PAFAH1B3: variants seen among roughly 807,000 people sequenced by gnomAD.
PAFAH1B3 encodes platelet activating factor acetylhydrolase 1b catalytic subunit 3.
Under a neutral mutation model 24.4 loss-of-function variants are expected in PAFAH1B3, and 15 were observed. The ratio of observed to expected loss-of-function variants is 0.62; its 90% CI spans 0.41 to 0.95. The LOEUF is 0.95. PAFAH1B3 is among the 40% of genes least tolerant of loss of function. The pLI, the probability that PAFAH1B3 is intolerant of heterozygous loss-of-function variation, is 0.00. For synonymous variants in PAFAH1B3, 144 were observed against 126.5 expected, an observed-to-expected ratio of 1.14 and a Z score of -0.93; for missense variants, 266 against 312.2, an observed-to-expected ratio of 0.85 and a Z score of 1.12.
In PAFAH1B3 at chr19:42,297,114, C is replaced by T; in HGVS notation, c.660G>A (p.Gln220=). The T allele has an allele frequency of 6.2e-7, 1 of 1,610,532 alleles. No individual in the cohort carries two copies. Among genetic ancestry groups the T allele is most frequent in the East Asian group, 2.2e-5 (1 of 44,718 alleles). Residue 220 remains glutamine, a synonymous_variant, in exon 5 of 5, where the codon CAG becomes CAA. Transcript: ENST00000262890. ...GCTCCAGCAGGGGAGCACCTTGGCC[C>T]TGGTCTTGGGCCAGCAGACGCAGAA... The part of the protein sequence containing the change: ...SLLLRLLAQD[Q]GQGAPLLEPA...
At chr19:42,301,399 A>AAACC (rs376967727) in intron 2 of PAFAH1B3, among the ~76,000 whole-genome samples, 66 of 152,198 alleles carry the variant, frequency 4.3e-4, no homozygotes, top group Admixed American at 1.2e-3. Flanking sequence ...CCTGTCTCAA[A>AAACC]AACCAACCAA....
chr19:42,299,910 A>C, intron 4 of PAFAH1B3, 60 bp downstream of exon 4: 1 of 1,605,466 alleles, frequency 6.2e-7, no homozygotes, highest in Non-Finnish European at 8.5e-7. Flanking sequence ...AACTGTGGCT[A>C]TATCTGAGGG....
intron 2 of PAFAH1B3, among the ~76,000 whole-genome samples, chr19:42,300,767 C>T (rs2038609852): frequency 6.6e-6 from 1 of 152,110 alleles, no homozygotes; most frequent in Non-Finnish European, 1.5e-5. Flanking sequence ...GATCCACCTG[C>T]CTCGGCCTCC....
rs1251679954 is a variant in PAFAH1B3 at position 42,302,402 on chromosome 19, C to A, written c.-93G>T. The A allele has an allele frequency of 1.7e-6, 2 of 1,193,750 alleles. No individual in the cohort carries two copies. Among genetic ancestry groups the A allele is most frequent in the East Asian group, 2.6e-5 (1 of 39,108 alleles). The allele number at this position is 1,193,750 out of a possible 1,614,324, so 73.9% of individuals were successfully genotyped here. On this transcript the variant is annotated 5_prime_UTR_variant, in exon 1 of 5. Transcript: ENST00000262890. Reference sequence around the variant, plus strand: ...CTCCGCCACGCCCACTCCTACCCCTCGCGGCAACAAAGGACCGTCCCAACG... The same window carrying A: ...CTCCGCCACGCCCACTCCTACCCCTAGCGGCAACAAAGGACCGTCCCAACG...
intron 4 of PAFAH1B3, among the ~76,000 whole-genome samples, chr19:42,298,502 T>C (rs948710231): frequency 2.0e-5 from 3 of 151,888 alleles, no homozygotes; most frequent in African/African-American, 7.3e-5. Context: ...AATAAATAAA[T>C]AAATAAAAGA....
rs201478922 is a variant in PAFAH1B3, at chr19:42,300,005, T to C, written c.373A>G (p.Asn125Asp). 6.2e-7 allele frequency: 1 copy of C among 1,614,182 alleles called. No homozygotes were observed. Among genetic ancestry groups the C allele is most frequent in the East Asian group, 2.2e-5 (1 of 44,892 alleles). ...GGIKAIVQLV[N>D]ERQPQARVVV... ...ACCCGGGCCTGGGGCTGTCGCTCAT[T>C]CACCAGTTGCACAATGGCCTTGATG... Residue 125 changes from asparagine to aspartate, a missense_variant, in exon 4 of 5, where the codon AAT (asparagine) becomes GAT (aspartate). Asn to Asp is a conservative substitution (Grantham distance 23). Coordinates refer to ENST00000262890, the MANE Select transcript of PAFAH1B3 (RefSeq NM_002573.4).
rs2038535222 is a variant in PAFAH1B3, at chr19:42,297,099, G to C, written c.675C>G (p.Pro225=). Residue 225 remains proline, a synonymous_variant, in exon 5 of 5, where the codon CCC becomes CCG. Coordinates refer to ENST00000262890, the MANE Select transcript of PAFAH1B3 (RefSeq NM_002573.4). ...LLAQDQGQGA[P]LLEPAP is the part of the protein sequence containing the mutation. ...ATGCTTAGGGTGCGGGCTCCAGCAG[G>C]GGAGCACCTTGGCCCTGGTCTTGGG... 1.2e-6 allele frequency: 2 copies of C among 1,604,070 alleles called. No homozygotes were observed. The highest frequency in any genetic ancestry group is 1.7e-6 in the Non-Finnish European group (2 of 1,171,556).
In PAFAH1B3 at chr19:42,298,147, A is replaced by G. The variant is rs537888625; in HGVS notation, c.409-782T>C. 2.0e-5 allele frequency among the ~76,000 whole-genome samples: 3 copies of G among 152,170 alleles called. No individual in the cohort carries two copies. In the South Asian group the frequency reaches 6.2e-4, roughly 32 times the overall value. On this transcript the variant is annotated intron_variant, in intron 4 of 4. Coordinates refer to ENST00000262890, the MANE Select transcript of PAFAH1B3 (RefSeq NM_002573.4). ...TGGAAGCAGAAGTTGCAGTGAGCTG[A>G]GATCATGCCACCGCACTCCAGCCTG...
rs1568535888 is a variant in PAFAH1B3 at position 42,297,379 on chromosome 19, CGAG to C, written c.409-17_409-15del. On this transcript the variant is annotated splice_polypyrimidine_tract_variant and intron_variant, in intron 4 of 4. Coordinates refer to ENST00000262890, the MANE Select transcript of PAFAH1B3 (RefSeq NM_002573.4). The stretch of plus-strand genomic sequence containing the variant: ...CGGAAGCAGGCCCTGAGCAGGAACA[CGAG>C]GCGTAGTAAGGAAACAAGCATTTGA... The C allele has an allele frequency of 6.3e-7, 1 of 1,597,560 alleles. No individual in the cohort carries two copies. The highest frequency in any genetic ancestry group is 2.3e-5 in the East Asian group (1 of 44,414).
At chr19:42,297,740 AT>A (rs1171768849) in intron 4 of PAFAH1B3, among the ~76,000 whole-genome samples, 22 of 151,832 alleles carry the variant, frequency 1.4e-4, no homozygotes, top group Non-Finnish European at 3.1e-4. Context: ...TGCCCGGCTA[AT>A]TTTTTGTATT....
rs1001438052 is a variant in PAFAH1B3 at position 42,299,823 on chromosome 19, T to G, written c.408+147A>C. On this transcript the variant is annotated intron_variant, in intron 4 of 4. Coordinates refer to ENST00000262890, the MANE Select transcript of PAFAH1B3 (RefSeq NM_002573.4). ...AGCATATTCTCAACCACAGCCACTCTGAAGGGTATAGCAAGCTCCAACGTG... is the reference window on the plus strand; with the variant it reads ...AGCATATTCTCAACCACAGCCACTCGGAAGGGTATAGCAAGCTCCAACGTG... The G allele has an allele frequency of 3.9e-6, 4 of 1,024,246 alleles. No homozygotes were observed. The Admixed American group carries it at 6.4e-5, about 16-fold the overall frequency. 63.4% of individuals were successfully genotyped at this position (1,024,246 alleles called of 1,614,324 possible).
At position 42,302,600 on chromosome 19, in the gene PAFAH1B3, C is replaced by G; in HGVS notation, c.-291G>C. ...GGGCCGCTGACTCCCAGGCCGCGCA[C>G]CCGGCACGGGGTGGGGGGAGGGAGA... On this transcript the variant is annotated 5_prime_UTR_variant, in exon 1 of 5. Coordinates refer to ENST00000262890, the MANE Select transcript of PAFAH1B3 (RefSeq NM_002573.4). 2.5e-6 allele frequency: 1 copy of G among 394,980 alleles called. No individual in the cohort carries two copies. The highest frequency in any genetic ancestry group is 3.7e-5 in the South Asian group (1 of 27,164). 24.5% of individuals were successfully genotyped at this position (394,980 alleles called of 1,614,324 possible).
chr19:42,302,478 CA>C lies in PAFAH1B3; in HGVS notation c.-170del. Reference sequence around the variant, plus strand: ...CCGATACAGGGCGCCGCCTCCTCTCCAGGGACGGAAGCCTTCACTTAGGAGG... The same window carrying C: ...CCGATACAGGGCGCCGCCTCCTCTCCGGGACGGAAGCCTTCACTTAGGAGG... On this transcript the variant is annotated 5_prime_UTR_variant, in exon 1 of 5. Transcript: ENST00000262890. 2 of 605,616 alleles carry C rather than the reference CA, an allele frequency of 3.3e-6. No individual in the cohort carries two copies. The highest frequency in any genetic ancestry group is 5.7e-6 in the Non-Finnish European group (2 of 348,388). The allele number at this position is 605,616 out of a possible 1,614,324, so 37.5% of individuals were successfully genotyped here.
In PAFAH1B3 at chr19:42,302,491, C is replaced by A; in HGVS notation, c.-182G>T. The A allele has an allele frequency of 1.7e-6, 1 of 584,996 alleles. No individual in the cohort carries two copies. The highest frequency in any genetic ancestry group is 2.9e-5 in the East Asian group (1 of 34,284). The allele number at this position is 584,996 out of a possible 1,614,324, so 36.2% of individuals were successfully genotyped here. ...CCGCCTCCTCTCCAGGGACGGAAGC[C>A]TTCACTTAGGAGGTAGGTGGAATCA... On this transcript the variant is annotated 5_prime_UTR_variant, in exon 1 of 5. It adds an upstream start codon to the 5' untranslated region. Coordinates refer to ENST00000262890, the MANE Select transcript of PAFAH1B3 (RefSeq NM_002573.4).
chr19:42,297,109 T>C lies in PAFAH1B3; in HGVS notation c.665A>G (p.Gln222Arg), dbSNP rs1262252096. Residue 222 changes from glutamine (Q) to arginine (R), a missense_variant, in exon 5 of 5, where the codon CAA becomes CGA. Coordinates refer to ENST00000262890, the MANE Select transcript of PAFAH1B3 (RefSeq NM_002573.4). ...LLRLLAQDQG[Q>R]GAPLLEPAP is the part of the protein sequence containing the mutation. ...TGCGGGCTCCAGCAGGGGAGCACCT[T>C]GGCCCTGGTCTTGGGCCAGCAGACG... 2 of 1,608,882 alleles carry C rather than the reference T, an allele frequency of 1.2e-6. No homozygotes were observed. Among genetic ancestry groups the C allele is most frequent in the African/African-American group, 1.3e-5 (1 of 74,852 alleles).
rs748161726 is a variant in PAFAH1B3, at chr19:42,300,242, T to C, written c.214A>G (p.Ile72Val). The change falls in exon 3 of 5, where the codon ATT becomes GTT. Residue 72 changes from isoleucine to valine, a missense_variant. By Grantham distance (29) the Ile-to-Val change is conservative (BLOSUM62 3). Transcript: ENST00000262890. The stretch of plus-strand genomic sequence containing the variant: ...ACATGCTGTGTGCCGTCACCACCAA[T>C]GCCAAAGTTAAGTGCATGCAGAGGA... The part of the protein sequence containing the change: ...FSPLHALNFG[I>V]GGDGTQHVLW... The C allele has an allele frequency of 3.1e-6, 5 of 1,614,064 alleles. No individual in the cohort carries two copies. In the Admixed American group the frequency reaches 8.3e-5, roughly 27 times the overall value.
Position 42,302,615 on chromosome 19 carries a change from G to A in PAFAH1B3, c.-306C>T, listed in dbSNP as rs554696313. On this transcript the variant is annotated 5_prime_UTR_variant, in exon 1 of 5. Transcript: ENST00000262890. ...AGGCCGCGCACCCGGCACGGGGTGGGGGGAGGGAGAGGCGAGACCATCCAG... is the reference window on the plus strand; with the variant it reads ...AGGCCGCGCACCCGGCACGGGGTGGAGGGAGGGAGAGGCGAGACCATCCAG... The A allele has an allele frequency of 5.2e-6, 2 of 383,660 alleles. No individual in the cohort carries two copies. Among genetic ancestry groups the A allele is most frequent in the East Asian group, 4.9e-5 (1 of 20,226 alleles). 23.8% of individuals were successfully genotyped at this position (383,660 alleles called of 1,614,324 possible).
Position 42,300,244 on chromosome 19 carries a change from C to A in PAFAH1B3, c.212G>T (p.Gly71Val). The A allele has an allele frequency of 6.2e-7, 1 of 1,614,230 alleles. No individual in the cohort carries two copies. The highest frequency in any genetic ancestry group is 8.5e-7 in the Non-Finnish European group (1 of 1,180,042). Residue 71 changes from glycine (G) to valine (V), a missense_variant, in exon 3 of 5, where the codon GGC becomes GTC. Coordinates refer to ENST00000262890, the MANE Select transcript of PAFAH1B3 (RefSeq NM_002573.4). ...ATGCTGTGTGCCGTCACCACCAATG[C>A]CAAAGTTAAGTGCATGCAGAGGAGA... is the stretch of plus-strand genomic sequence containing the variant. ...LFSPLHALNF[G>V]IGGDGTQHVL...
At chr19:42,301,355 C>T (rs2038623051) in intron 2 of PAFAH1B3, among the ~76,000 whole-genome samples, 1 of 152,136 alleles carries the variant, frequency 6.6e-6, no homozygotes, top group Non-Finnish European at 1.5e-5. Context: ...AGAGATCATA[C>T]CACTGCACGC....
Sources: gnomAD v4.1 joint callset for allele counts (sites outside exome capture counted in the v4.1 genomes callset) on GRCh38, gnomAD v4.1.1 for gene constraint, MANE v1.5 for transcripts, NCBI Gene and HGNC (gene_info 2026-07-23, HGNC 2026-07-21) for gene names.